ANKMY1: variants seen among roughly 807,000 people sequenced by gnomAD.
ANKMY1 encodes ankyrin repeat and MYND domain-containing protein 1.
A neutral mutation model predicts 102.0 loss-of-function variants in ANKMY1; 98 were observed. That is an observed-to-expected ratio of 0.96 (90% CI 0.82 to 1.14). The LOEUF (loss-of-function observed/expected upper bound fraction) is 1.14. Among genes scored for constraint, ANKMY1 ranks in the 50% most tolerant of loss-of-function variants. The probability of loss-of-function intolerance (pLI) is 0.00; values close to 1 mark genes in which losing one functional copy is unlikely to be tolerated. For synonymous variants in ANKMY1, 582 were observed against 559.9 expected (o/e 1.04, Z -0.56); for missense variants, 1,330 against 1,347.6 (o/e 0.99, Z 0.20).
intron 13 of ANKMY1, 80 bp from the exon 14 acceptor site, chr2:240,500,645 C>T: frequency 1.6e-6 from 2 of 1,266,028 alleles, no homozygotes; most frequent in South Asian, 2.6e-5. Flanking sequence ...TGAGAAGGGC[C>T]ATGGTCACCT....
intron 4 of ANKMY1, among the ~76,000 whole-genome samples, chr2:240,533,751 A>ACACT (rs778871169): frequency 6.8e-6 from 1 of 147,480 alleles, no homozygotes; most frequent in African/African-American, 2.5e-5. Context: ...ACACACACAC[A>ACACT]CACACTTTTT....
At chr2:240,493,014 T>C (rs538705661) in intron 15 of ANKMY1, among the ~76,000 whole-genome samples, 3 of 152,134 alleles carry the variant, frequency 2.0e-5, no homozygotes, top group African/African-American at 7.2e-5. Flanking sequence ...AAATTCTTTA[T>C]CTGAGATCTC....
intron 5 of ANKMY1, chr2:240,526,786 T>A (rs745731798): frequency 2.4e-6 from 3 of 1,240,116 alleles, no homozygotes; most frequent in Non-Finnish European, 3.1e-6. Flanking sequence ...CTGGGTAGGA[T>A]GGAGACCAAC....
At chr2:240,546,095 A>G (rs1165827961) in intron 4 of ANKMY1, among the ~76,000 whole-genome samples, 2 of 152,158 alleles carry the variant, frequency 1.3e-5, no homozygotes, top group Non-Finnish European at 2.9e-5. Flanking sequence ...AAAAAATGTT[A>G]AGGGCAGCCA....
At chr2:240,471,360 G>A in the ANKMY1 span, among the ~76,000 whole-genome samples, 1,047 of 150,728 alleles carry the variant, frequency 6.9e-3, 14 homozygotes, top group African/African-American at 0.024. Context: ...CCGGGTTCAA[G>A]CGATTCTCCT....
At chr2:240,500,333 TG>T in intron 14 of ANKMY1, 118 bp downstream of exon 14, 1 of 1,229,870 alleles carries the variant, frequency 8.1e-7, no homozygotes. Context: ...GGGGCTGCTC[TG>T]GGGGCGGCGC....
intron 4 of ANKMY1, among the ~76,000 whole-genome samples, chr2:240,540,377 G>A (rs1431570622): frequency 1.3e-5 from 2 of 152,298 alleles, no homozygotes; most frequent in East Asian, 1.9e-4. Context: ...CCCATAGACA[G>A]TTTTTAGGAT....
chr2:240,542,140 A>G (rs540891987), intron 4 of ANKMY1, among the ~76,000 whole-genome samples: 29 of 148,156 alleles, frequency 2.0e-4, no homozygotes, highest in African/African-American at 7.2e-4. Flanking sequence ...CCCAGGGGGC[A>G]GAGGCTGCAG....
In ANKMY1 at chr2:240,507,659, G is replaced by A. The variant is rs766900255; in HGVS notation, c.2427C>T (p.Asp809=). 5 of 1,610,436 alleles carry A rather than the reference G, an allele frequency of 3.1e-6. No individual in the cohort carries two copies. The South Asian group carries it at 4.4e-5, about 14-fold the overall frequency. The change falls in exon 13 of 18, where the codon GAC becomes GAT. Residue 809 remains aspartate (D), a synonymous_variant. Coordinates refer to ENST00000401804, the MANE Select transcript of ANKMY1 (RefSeq NM_001282771.3). ...VVKELLTQGA[D]PNLPLTKGLG... ...AGCCTTTGGTCAGGGGCAGGTTGGG[G>A]TCAGCTCCCTGGGTCAGGAGCTCCT...
the ANKMY1 span, among the ~76,000 whole-genome samples, chr2:240,471,260 C>CT: frequency 0.4 from 54,200 of 136,212 alleles, 11,220 homozygotes; most frequent in African/African-American, 0.52. Flanking sequence ...AACTCAAATT[C>CT]TTTTTTTTTT....
At chr2:240,549,746 C>T (rs2091162206) in intron 4 of ANKMY1, among the ~76,000 whole-genome samples, 1 of 152,154 alleles carries the variant, frequency 6.6e-6, no homozygotes, top group Admixed American at 6.5e-5. Flanking sequence ...ATTTATGCAG[C>T]CAAAAAACAC....
intron 15 of ANKMY1, among the ~76,000 whole-genome samples, chr2:240,492,176 A>T (rs1229018410): frequency 6.6e-6 from 1 of 152,022 alleles, no homozygotes; most frequent in Non-Finnish European, 1.5e-5. Context: ...TCTTTTTTGT[A>T]GAGATAGGGT....
chr2:240,524,354 T>C lies in ANKMY1; in HGVS notation c.1363A>G (p.Ile455Val), dbSNP rs927667792. The C allele has an allele frequency of 6.2e-7, 1 of 1,600,216 alleles. No individual in the cohort carries two copies. The change falls in exon 8 of 18, where the codon ATC becomes GTC. Residue 455 changes from isoleucine to valine, a missense_variant. Transcript: ENST00000401804. Reference sequence around the variant, plus strand: ...GTGTCCATAAATGATGATGAAAGGATTGGAACAACTGGGAATTTTGGAGGT... The same window carrying C: ...GTGTCCATAAATGATGATGAAAGGACTGGAACAACTGGGAATTTTGGAGGT... ...QEPPKFPVVP[I>V]LSSSFMDTNL...
chr2:240,550,460 A>C (rs1292877726), intron 4 of ANKMY1, among the ~76,000 whole-genome samples: 1 of 151,972 alleles, frequency 6.6e-6, no homozygotes, highest in Non-Finnish European at 1.5e-5. Context: ...ACATGTATAC[A>C]TATGTAACTA....
Position 240,500,002 on chromosome 2 carries a change from T to C in ANKMY1, c.2762A>G (p.Lys921Arg). The C allele has an allele frequency of 1.2e-6, 2 of 1,613,038 alleles. No individual in the cohort carries two copies. The highest frequency in any genetic ancestry group is 1.7e-6 in the Non-Finnish European group (2 of 1,179,832). ...CCACGTGGGGTCCCACTGGCTCTCCTTGGCAAAGACAGCCTGCCGTAGCTG... is the reference window on the plus strand; with the variant it reads ...CCACGTGGGGTCCCACTGGCTCTCCCTGGCAAAGACAGCCTGCCGTAGCTG... The part of the protein sequence containing the change: ...GLQLRQAVFA[K>R]ESQWDPTWLY... Residue 921 changes from lysine to arginine, a missense_variant, in exon 15 of 18, where the codon AAG (lysine) becomes AGG (arginine). Transcript: ENST00000401804.
At chr2:240,508,719 C>T (rs1300490167) in intron 12 of ANKMY1, among the ~76,000 whole-genome samples, 1 of 152,002 alleles carries the variant, frequency 6.6e-6, no homozygotes, top group Non-Finnish European at 1.5e-5. Context: ...CTGCCAGGTA[C>T]GTAGCAGATG....
chr2:240,497,619 C>T (rs913748336), intron 15 of ANKMY1, among the ~76,000 whole-genome samples: 1 of 152,176 alleles, frequency 6.6e-6, no homozygotes. Context: ...TCTCTCTTTT[C>T]TTAGTTTTCT....
At chr2:240,557,374 C>T (rs745579293) in intron 1 of ANKMY1, 22 bp from the exon 2 acceptor site, 1 of 1,443,776 alleles carries the variant, frequency 6.9e-7, no homozygotes, top group Non-Finnish European at 9.2e-7. Flanking sequence ...GTCAGGACCG[C>T]ACATGTGCCC....
At chr2:240,523,409 AC>A (rs2082695220) in intron 8 of ANKMY1, 1 of 169,048 alleles carries the variant, frequency 5.9e-6, no homozygotes, top group Non-Finnish European at 1.3e-5. Context: ...AATCATTTTG[AC>A]CCCACAGACT....
Sources: allele counts gnomAD v4.1 joint callset (sites outside exome capture counted in the v4.1 genomes callset), GRCh38; gene constraint gnomAD v4.1.1; transcripts MANE v1.5; gene names NCBI Gene and HGNC (gene_info 2026-07-23, HGNC 2026-07-21).